Variants in GLP2R observed in about 807,000 individuals in gnomAD.
The protein encoded by GLP2R is glucagon like peptide 2 receptor, also known as glucagon-like peptide 2 receptor.
Under a neutral mutation model 68.2 loss-of-function variants are expected in GLP2R, and 59 were observed. The ratio of observed to expected loss-of-function variants is 0.87; its 90% CI spans 0.70 to 1.07. The LOEUF (loss-of-function observed/expected upper bound fraction) is 1.07, where lower values mean the gene tolerates loss of function less well. Ranked by LOEUF, GLP2R falls within the 50% of genes least tolerant of loss-of-function variation. The pLI is 0.00. For missense variants in GLP2R, 548 were observed against 677.4 expected, an observed-to-expected ratio of 0.81 and a Z score of 2.12; for synonymous variants, 270 against 265.4, an observed-to-expected ratio of 1.02 and a Z score of -0.17.
At chr17:9,859,801 C>G (rs1015516795) in intron 6 of GLP2R, 141 bp from the exon 7 acceptor site, 4 of 567,328 alleles carry the variant, frequency 7.1e-6, no homozygotes, top group African/African-American at 2.5e-5. Flanking sequence ...ATCCTGGCAA[C>G]AGAGTGAGAT....
At chr17:9,835,693 G>A (rs2066722306) in intron 2 of GLP2R, among the ~76,000 whole-genome samples, 1 of 152,174 alleles carries the variant, frequency 6.6e-6, no homozygotes, top group Non-Finnish European at 1.5e-5. Flanking sequence ...GGAACATAAG[G>A]CACTGGCTCA....
At chr17:9,847,094 T>G (rs1398841619) in intron 4 of GLP2R, among the ~76,000 whole-genome samples, 1 of 152,226 alleles carries the variant, frequency 6.6e-6, no homozygotes, top group Non-Finnish European at 1.5e-5. Context: ...CCGCAGAGGA[T>G]GCACAGTAGC....
chr17:9,838,180 G>C (rs1343702882), intron 3 of GLP2R, among the ~76,000 whole-genome samples: 1 of 152,184 alleles, frequency 6.6e-6, no homozygotes, highest in African/African-American at 2.4e-5. Context: ...AGGGAAAAGA[G>C]CACTGGGTGT....
At position 9,849,700 on chromosome 17, in the gene GLP2R, C is replaced by T. The variant is rs185662297; in HGVS notation, c.505-4795C>T. On this transcript the variant is annotated intron_variant, in intron 4 of 12. Transcript: ENST00000262441. ...TGATCTCGGCTCACTGCCAGCTCCGCCTCCTGGGTTCACGCCATTCTCCTG... is the reference window on the plus strand; with the variant it reads ...TGATCTCGGCTCACTGCCAGCTCCGTCTCCTGGGTTCACGCCATTCTCCTG... 3.7e-3 allele frequency among the ~76,000 whole-genome samples: 558 copies of T among 150,530 alleles called. 5 individuals are homozygous for T. The highest frequency in any genetic ancestry group is 0.013 in the African/African-American group (522 of 40,874).
At chr17:9,877,365 G>A (rs926912092) in intron 10 of GLP2R, among the ~76,000 whole-genome samples, 20 of 152,160 alleles carry the variant, frequency 1.3e-4, no homozygotes, top group African/African-American at 4.8e-4. Context: ...ATAAGGTGAA[G>A]GGTAGACAAT....
chr17:9,877,766 A>G (rs1452086442), intron 10 of GLP2R, among the ~76,000 whole-genome samples: 1 of 151,168 alleles, frequency 6.6e-6, no homozygotes. Flanking sequence ...ATTCCCAGGT[A>G]CTCGGGAAGC....
At chr17:9,862,283 G>A (rs2066994307) in intron 9 of GLP2R, among the ~76,000 whole-genome samples, 193 bp downstream of exon 9, 1 of 152,176 alleles carries the variant, frequency 6.6e-6, no homozygotes, top group African/African-American at 2.4e-5. Flanking sequence ...GAGTTACATT[G>A]TAAGCCTCCT....
At chr17:9,838,155 G>A (rs1371699205) in intron 3 of GLP2R, among the ~76,000 whole-genome samples, 1 of 152,160 alleles carries the variant, frequency 6.6e-6, no homozygotes, top group Non-Finnish European at 1.5e-5. Flanking sequence ...CAGTACCCCT[G>A]GGAGCAGCTC....
chr17:9,852,135 T>G (rs962403103), intron 4 of GLP2R, among the ~76,000 whole-genome samples: 7 of 151,874 alleles, frequency 4.6e-5, no homozygotes, highest in Admixed American at 1.3e-4. Context: ...ACATGTGCCA[T>G]GGTGGTTTGC....
chr17:9,853,131 A>G, intron 4 of GLP2R: 1 of 508,612 alleles, frequency 2.0e-6, no homozygotes, highest in Non-Finnish European at 3.7e-6. Flanking sequence ...CTCTGCGTCA[A>G]CAATGTGCAA....
At chr17:9,855,042 T>G (rs1158757815) in intron 5 of GLP2R, among the ~76,000 whole-genome samples, 3 of 152,180 alleles carry the variant, frequency 2.0e-5, no homozygotes, top group African/African-American at 7.2e-5. Flanking sequence ...ATTTAATTAT[T>G]TATTTCTGGA....
intron 4 of GLP2R, 107 bp downstream of exon 4, chr17:9,842,723 A>G: frequency 8.2e-7 from 1 of 1,223,090 alleles, no homozygotes; most frequent in Non-Finnish European, 1.2e-6. Flanking sequence ...AGGCTTCTCC[A>G]GCGCCTCTCC....
intron 11 of GLP2R, among the ~76,000 whole-genome samples, chr17:9,886,233 TAG>T (rs1405698124): frequency 6.6e-6 from 1 of 152,134 alleles, no homozygotes; most frequent in African/African-American, 2.4e-5. Flanking sequence ...GCCTACTGCT[TAG>T]AGAGTTCCAC....
At position 9,860,096 on chromosome 17, in the gene GLP2R, G is replaced by C; in HGVS notation, c.920G>C (p.Gly307Ala). Reference protein sequence around the residue: ...RRLWPRYLLLGWAFPVLFVVP... With the variant: ...RRLWPRYLLLAWAFPVLFVVP... ...CTGTGGCCCAGATACCTGCTGTTGG[G>C]TTGGGGTGAGTGACCTGACCTTCAG... is the stretch of plus-strand genomic sequence containing the variant. The change falls in exon 7 of 13, where the codon GGT (glycine) becomes GCT (alanine). Residue 307 changes from glycine to alanine, a missense_variant. By Grantham distance (60) the Gly-to-Ala change is moderately conservative. Transcript: ENST00000262441. The C allele has an allele frequency of 6.2e-7, 1 of 1,600,084 alleles. No individual in the cohort carries two copies. The highest frequency in any genetic ancestry group is 1.3e-5 in the African/African-American group (1 of 74,730).
chr17:9,838,906 C>G (rs942308685), intron 3 of GLP2R, among the ~76,000 whole-genome samples: 1 of 152,112 alleles, frequency 6.6e-6, no homozygotes, highest in African/African-American at 2.4e-5. Flanking sequence ...CCAGCTACTC[C>G]GGAGGCTGAG....
intron 9 of GLP2R, chr17:9,866,420 C>T (rs978553426): frequency 1.3e-5 from 2 of 157,910 alleles, no homozygotes; most frequent in African/African-American, 4.8e-5. Flanking sequence ...CTGCTCAACA[C>T]CCTACAACAC....
chr17:9,847,149 A>G (rs1428366455), intron 4 of GLP2R, among the ~76,000 whole-genome samples: 1 of 152,268 alleles, frequency 6.6e-6, no homozygotes, highest in Non-Finnish European at 1.5e-5. Context: ...AACAGCAAAA[A>G]TAACCCCAGT....
chr17:9,829,290 A>G (rs1261432063), intron 1 of GLP2R, among the ~76,000 whole-genome samples: 2 of 152,114 alleles, frequency 1.3e-5, no homozygotes, highest in African/African-American at 2.4e-5. Flanking sequence ...CATGGATGGC[A>G]GGAGGGTAAA....
intron 11 of GLP2R, among the ~76,000 whole-genome samples, chr17:9,885,278 C>T (rs1321392557): frequency 6.6e-6 from 1 of 151,818 alleles, no homozygotes; most frequent in Non-Finnish European, 1.5e-5. Flanking sequence ...CAACCTCCAC[C>T]TCCCAGGTTC....
Sources: gnomAD v4.1 joint callset for allele counts (sites outside exome capture counted in the v4.1 genomes callset) on GRCh38, gnomAD v4.1.1 for gene constraint, MANE v1.5 for transcripts, NCBI Gene and HGNC (gene_info 2026-07-23, HGNC 2026-07-21) for gene names.